The following FANCI variants were observed in gnomAD, a reference collection of about 807,000 sequenced individuals.
The protein encoded by FANCI is Fanconi anemia group I protein.
A neutral mutation model predicts 176.1 loss-of-function variants in FANCI; 156 were observed. The observed-to-expected ratio is 0.89, with a 90% CI of 0.78 to 1.01. The LOEUF is 1.01. Ranked by LOEUF, FANCI falls within the 50% of genes least tolerant of loss-of-function variation. The pLI, the probability that FANCI is intolerant of heterozygous loss-of-function variation, is 0.00. For synonymous variants in FANCI, 613 were observed against 541.7 expected, an observed-to-expected ratio of 1.13 and a Z score of -1.83; for missense variants, 1,678 against 1,534.1, an observed-to-expected ratio of 1.09 and a Z score of -1.57.
At chr15:89,298,340 T>C (rs1197277351) in intron 24 of FANCI, among the ~76,000 whole-genome samples, 2 of 152,184 alleles carry the variant, frequency 1.3e-5, no homozygotes, top group Non-Finnish European at 2.9e-5. Context: ...AACAGAAAGA[T>C]ATCTAGATAA....
chr15:89,265,680 C>T (rs187964467), intron 9 of FANCI, among the ~76,000 whole-genome samples: 6 of 152,034 alleles, frequency 3.9e-5, no homozygotes, highest in African/African-American at 1.2e-4. Context: ...TGCGCCACCA[C>T]GCCCAGCTAA....
chr15:89,307,743 A>ATCACC, intron 34 of FANCI, 71 bp downstream of exon 34: 1 of 1,613,474 alleles, frequency 6.2e-7, no homozygotes, highest in South Asian at 1.1e-5. Flanking sequence ...GGGACTATTG[A>ATCACC]TCACCTGAAC....
At chr15:89,304,757 C>G (rs977215552) in intron 28 of FANCI, among the ~76,000 whole-genome samples, 1 of 151,482 alleles carries the variant, frequency 6.6e-6, no homozygotes, top group Non-Finnish European at 1.5e-5. Context: ...CCTGAGGGAC[C>G]TGACTGGGTT....
intron 24 of FANCI, among the ~76,000 whole-genome samples, chr15:89,295,677 A>G (rs2054231916): frequency 6.6e-6 from 1 of 151,990 alleles, no homozygotes; most frequent in African/African-American, 2.4e-5. Flanking sequence ...AAAAGAGTGA[A>G]AAAAAGTGCA....
rs922792253 is a variant in FANCI, at chr15:89,305,658, C to G, written c.3309C>G (p.Ile1103Met). ...EKVLEEVDWL[I>M]TKLKGQVSQE... ...TTCTAGAAGAAGTGGACTGGCTAATCACCAAGCTTAAGGGACAAGTGAGCC... is the reference window on the plus strand; with the variant it reads ...TTCTAGAAGAAGTGGACTGGCTAATGACCAAGCTTAAGGGACAAGTGAGCC... The change falls in exon 31 of 38, where the codon ATC (isoleucine) becomes ATG (methionine). Residue 1103 changes from isoleucine to methionine, a missense_variant. Around this residue, in one of 3 missense-constraint regions of FANCI, gnomAD observed 1,204 missense variants for 1,077.4 expected, o/e 1.12. Transcript: ENST00000310775. 9 of 1,614,082 alleles carry G rather than the reference C, an allele frequency of 5.6e-6. No homozygotes were observed. The Admixed American group carries it at 1.3e-4, about 24-fold the overall frequency.
chr15:89,299,145 G>T lies in FANCI; in HGVS notation c.2637-655G>T, dbSNP rs561257313. On this transcript the variant is annotated intron_variant, in intron 24 of 37. Transcript: ENST00000310775. The stretch of plus-strand genomic sequence containing the variant: ...AGATCACCCCACTGCACTCCAGCCT[G>T]GGTGACAGAGTGAGACTCTGTCTCA... Among the ~76,000 whole-genome samples the T allele has an allele frequency of 6.0e-5, 9 of 150,374 alleles. 1 individual carries two copies. Among genetic ancestry groups the T allele is most frequent in the African/African-American group, 2.2e-4 (9 of 40,978 alleles).
intron 18 of FANCI, 61 bp downstream of exon 18, chr15:89,285,279 A>AT: frequency 6.3e-7 from 1 of 1,593,030 alleles, no homozygotes; most frequent in Non-Finnish European, 8.6e-7. Context: ...TATTTTAGTA[A>AT]TTTTTTTCCT....
intron 2 of FANCI, among the ~76,000 whole-genome samples, chr15:89,253,791 G>GC (rs1279640567): frequency 7.2e-6 from 1 of 139,198 alleles, no homozygotes; most frequent in Non-Finnish European, 1.6e-5. Flanking sequence ...ACTTGTGGGG[G>GC]GGGGGGGGAA....
rs1990229 is a variant in FANCI, at chr15:89,281,027, A to C, written c.1382-143A>C. Reference sequence around the variant, plus strand: ...TACATTGGAGAAAAAGTATATATAGAATCAGTAGAAATTTGTATTGCAGTA... The same window carrying C: ...TACATTGGAGAAAAAGTATATATAGCATCAGTAGAAATTTGTATTGCAGTA... On this transcript the variant is annotated intron_variant, in intron 14 of 37. Coordinates refer to ENST00000310775, the MANE Select transcript of FANCI (RefSeq NM_001113378.2). 0.37 allele frequency: 277,285 copies of C among 755,804 alleles called. 53,684 individuals carry two copies. Among genetic ancestry groups the C allele is most frequent in the South Asian group, 0.4 (26,891 of 66,650 alleles). 46.8% of individuals were successfully genotyped at this position (755,804 alleles called of 1,614,324 possible).
At position 89,281,188 on chromosome 15, in the gene FANCI, T is replaced by A; in HGVS notation, c.1400T>A (p.Val467Asp). Residue 467 changes from valine (V) to aspartate (D), a missense_variant, in exon 15 of 38, where the codon GTC (valine) becomes GAC (aspartate). By Grantham distance (152) the Val-to-Asp change is radical. Transcript: ENST00000310775. ...TTTTCAGACCTGCTTTCAAATATCG[T>A]CATGTATGCACCCTTAGTTCTTCAA... is the stretch of plus-strand genomic sequence containing the variant. ...SHFLDLLSNI[V>D]MYAPLVLQSC... 6.2e-7 allele frequency: 1 copy of A among 1,613,790 alleles called. No individual in the cohort carries two copies. The highest frequency in any genetic ancestry group is 8.5e-7 in the Non-Finnish European group (1 of 1,179,782).
In FANCI at chr15:89,247,509, A is replaced by G. The variant is rs553399064; in HGVS notation, c.-19-120A>G. On this transcript the variant is annotated intron_variant, in intron 1 of 37. Coordinates refer to ENST00000310775, the MANE Select transcript of FANCI (RefSeq NM_001113378.2). Reference sequence around the variant, plus strand: ...GAATCAGCTACTTAAAGATAGTCCTAAGTTTGTTGAGCACCCATTGCATAA... The same window carrying G: ...GAATCAGCTACTTAAAGATAGTCCTGAGTTTGTTGAGCACCCATTGCATAA... 4 of 750,734 alleles carry G rather than the reference A, an allele frequency of 5.3e-6. No homozygotes were observed. In the African/African-American group the frequency reaches 6.9e-5, roughly 13 times the overall value. 46.5% of individuals were successfully genotyped at this position (750,734 alleles called of 1,614,324 possible). A position where few individuals can be genotyped will look rare whatever the true frequency, so the allele number is the denominator to read the frequency against.
chr15:89,260,333 T>A (rs1259541147), intron 3 of FANCI, among the ~76,000 whole-genome samples: 1 of 152,190 alleles, frequency 6.6e-6, no homozygotes, highest in African/African-American at 2.4e-5. Flanking sequence ...CACAAGTATT[T>A]GTATAGAGCA....
At chr15:89,289,742 T>C (rs2053987512) in intron 18 of FANCI, among the ~76,000 whole-genome samples, 1 of 151,416 alleles carries the variant, frequency 6.6e-6, no homozygotes, top group South Asian at 2.1e-4. Context: ...TAAGACAGAG[T>C]TTTGCTCTAT....
Position 89,269,852 on chromosome 15 carries a change from C to G in FANCI, c.882+1327C>G, listed in dbSNP as rs1361697837. 3.3e-5 allele frequency among the ~76,000 whole-genome samples: 5 copies of G among 151,924 alleles called. No individual in the cohort carries two copies. The East Asian group carries it at 5.8e-4, about 18-fold the overall frequency. ...TTTGGACAGAGTCTCACTGTGTCAC[C>G]CAAGCTAGAGTGCCGTGGCCCAATC... On this transcript the variant is annotated intron_variant, in intron 10 of 37. Transcript: ENST00000310775.
intron 12 of FANCI, among the ~76,000 whole-genome samples, chr15:89,275,281 T>C (rs2053369084): frequency 6.6e-6 from 1 of 152,124 alleles, no homozygotes; most frequent in Non-Finnish European, 1.5e-5. Flanking sequence ...TTATTTACTT[T>C]GTTGAAATTT....
rs1596304827 is a variant in FANCI at position 89,292,951 on chromosome 15, G to A, written c.2179G>A (p.Ala727Thr). 6.2e-7 allele frequency: 1 copy of A among 1,614,082 alleles called. No homozygotes were observed. The highest frequency in any genetic ancestry group is 1.1e-5 in the South Asian group (1 of 91,072). ...ATCTTGTGTCTTTTAGGATAAATCA[G>A]CAGATTTTTCTCAGAGCACCAGTAT... is the stretch of plus-strand genomic sequence containing the variant. ...ELEDFELDKS[A>T]DFSQSTSIGI... is the part of the protein sequence containing the mutation. Residue 727 changes from alanine to threonine, a missense_variant, in exon 22 of 38, where the codon GCA becomes ACA. Physicochemically the swap from Ala to Thr is moderately conservative, Grantham distance 58. This residue lies in a region of FANCI where 1,204 missense variants were observed against 1,077.4 expected (regional missense o/e 1.12). Transcript: ENST00000310775.
At chr15:89,283,888 G>T (rs1006685731) in intron 17 of FANCI, among the ~76,000 whole-genome samples, 2 of 151,430 alleles carry the variant, frequency 1.3e-5, no homozygotes, top group African/African-American at 4.8e-5. Context: ...TCAGCCTCCC[G>T]AGTAGCTGGG....
rs755994899 is a variant in FANCI, at chr15:89,307,593, C to T, written c.3592-20C>T. The T allele has an allele frequency of 3.1e-6, 5 of 1,614,172 alleles. No homozygotes were observed. The highest frequency in any genetic ancestry group is 1.3e-5 in the African/African-American group (1 of 75,038). On this transcript the variant is annotated intron_variant, in intron 33 of 37. Coordinates refer to ENST00000310775, the MANE Select transcript of FANCI (RefSeq NM_001113378.2). ...CTTTTACTGCTGGTTACATTGGTTT[C>T]CTTCTCCCTTGTTGTGCAGGTGAAG...
chr15:89,298,055 C>T (rs918625954), intron 24 of FANCI, among the ~76,000 whole-genome samples: 6 of 151,586 alleles, frequency 4.0e-5, no homozygotes, highest in South Asian at 2.1e-4. Context: ...TGTAATCAGC[C>T]CTCTCTCCAT....
Sources: gnomAD v4.1 joint callset for allele counts (sites outside exome capture counted in the v4.1 genomes callset) on GRCh38, gnomAD v4.1.1 for gene constraint, gnomAD v4.1.1 regional missense constraint, MANE v1.5 for transcripts, NCBI Gene and HGNC (gene_info 2026-07-23, HGNC 2026-07-21) for gene names.